NMNAT2: variants seen among roughly 807,000 people sequenced by gnomAD.
The protein encoded by NMNAT2 is nicotinamide/nicotinic acid mononucleotide adenylyltransferase 2.
NMNAT2 carries 11 observed loss-of-function variants against 41.6 expected under a neutral mutation model. The observed-to-expected ratio is 0.26, with a 90% CI of 0.17 to 0.44. NMNAT2 has a LOEUF of 0.44. NMNAT2 is among the 20% of genes least tolerant of loss of function. The pLI is 1.00. For synonymous variants in NMNAT2, 148 were observed against 151.2 expected, an observed-to-expected ratio of 0.98 and a Z score of 0.16; for missense variants, 288 against 407.7, an observed-to-expected ratio of 0.71 and a Z score of 2.53.
chr1:183,386,548 C>T (rs776733731), intron 1 of NMNAT2, among the ~76,000 whole-genome samples: 1 of 151,970 alleles, frequency 6.6e-6, no homozygotes. Flanking sequence ...GGAGAAATAA[C>T]CTCACAATAG....
At chr1:183,309,768 C>T (rs1174664606) in intron 1 of NMNAT2, among the ~76,000 whole-genome samples, 1 of 152,186 alleles carries the variant, frequency 6.6e-6, no homozygotes, top group Non-Finnish European at 1.5e-5. Context: ...CCAGGAATTA[C>T]GAAAACCTGT....
chr1:183,357,155 C>T (rs1055858061), intron 1 of NMNAT2, among the ~76,000 whole-genome samples: 1 of 149,534 alleles, frequency 6.7e-6, no homozygotes. Flanking sequence ...TAAAACAATA[C>T]ACAGGAGAAG....
intron 1 of NMNAT2, among the ~76,000 whole-genome samples, chr1:183,315,743 T>A (rs1048511434): frequency 2.1e-5 from 3 of 145,888 alleles, no homozygotes; most frequent in African/African-American, 7.7e-5. Context: ...GTCATGCCAC[T>A]GCACTCCAGC....
chr1:183,377,358 T>G (rs1663702891), intron 1 of NMNAT2, among the ~76,000 whole-genome samples: 1 of 151,888 alleles, frequency 6.6e-6, no homozygotes, highest in African/African-American at 2.4e-5. Context: ...AAAACATCAC[T>G]GGAATACAAC....
At position 183,352,162 on chromosome 1, in the gene NMNAT2, TA is replaced by T. The variant is rs566872477; in HGVS notation, c.86-58370del. ...GCTCATCAGGGGTTTCTCTTCAAGA[TA>T]AAAAAAGGCTTCAAAATCGTTCACC... On this transcript the variant is annotated intron_variant, in intron 1 of 10. Coordinates refer to ENST00000287713, the MANE Select transcript of NMNAT2 (RefSeq NM_015039.4). 4.0e-4 allele frequency among the ~76,000 whole-genome samples: 61 copies of T among 152,104 alleles called. 2 individuals are homozygous for T. In the East Asian group the frequency reaches 0.011, roughly 27 times the overall value.
chr1:183,264,885 T>C (rs1030867885), intron 8 of NMNAT2, among the ~76,000 whole-genome samples: 3 of 152,158 alleles, frequency 2.0e-5, no homozygotes, highest in African/African-American at 4.8e-5. Context: ...TACTCCTTTC[T>C]GGGCCCCCGT....
chr1:183,293,697 G>A lies in NMNAT2; in HGVS notation c.174+8C>T. ...TTGAAGAGGAGAGGGGCACAGGAAGGAACCCACCTGTTTTCCATAGGAGTC... is the reference window on the plus strand; with the variant it reads ...TTGAAGAGGAGAGGGGCACAGGAAGAAACCCACCTGTTTTCCATAGGAGTC... On this transcript the variant is annotated splice_region_variant and intron_variant, in intron 2 of 10. Coordinates refer to ENST00000287713, the MANE Select transcript of NMNAT2 (RefSeq NM_015039.4). The A allele has an allele frequency of 6.2e-7, 1 of 1,607,220 alleles. No homozygotes were observed. Among genetic ancestry groups the A allele is most frequent in the Non-Finnish European group, 8.5e-7 (1 of 1,173,648 alleles).
In NMNAT2 at chr1:183,265,129, C is replaced by T. The variant is rs191410406; in HGVS notation, c.652-3826G>A. 1.9e-3 allele frequency among the ~76,000 whole-genome samples: 292 copies of T among 150,670 alleles called. 2 individuals carry two copies. Among genetic ancestry groups the T allele is most frequent in the South Asian group, 0.015 (73 of 4,720 alleles). ...ATATGCCCACTTGGATAGGGCATCT[C>T]AAACTTAATATGTCCATGAGCTCCT... On this transcript the variant is annotated intron_variant, in intron 8 of 10. Coordinates refer to ENST00000287713, the MANE Select transcript of NMNAT2 (RefSeq NM_015039.4).
At chr1:183,274,088 C>G (rs1238434908) in intron 8 of NMNAT2, among the ~76,000 whole-genome samples, 1 of 151,298 alleles carries the variant, frequency 6.6e-6, no homozygotes, top group East Asian at 2.0e-4. Flanking sequence ...GATTTTTGTA[C>G]TTTTAGTAGA....
rs569797645 is a variant in NMNAT2, at chr1:183,277,605, C to A, written c.651+948G>T. Among the ~76,000 whole-genome samples, 8 of 152,050 alleles carry A rather than the reference C, an allele frequency of 5.3e-5. No individual in the cohort carries two copies. In the South Asian group the frequency reaches 1.7e-3, roughly 32 times the overall value. ...ATCTTGAGCCTGACCCTGTCCTGCC[C>A]CTGTCCTGCCTCTGTCCTGCCTCGA... is the stretch of plus-strand genomic sequence containing the variant. On this transcript the variant is annotated intron_variant, in intron 8 of 10. Transcript: ENST00000287713.
intron 1 of NMNAT2, among the ~76,000 whole-genome samples, chr1:183,308,401 A>T (rs941849315): frequency 2.6e-5 from 4 of 152,274 alleles, no homozygotes; most frequent in African/African-American, 9.6e-5. Context: ...GGCAGTCAGC[A>T]TCTATCAAAA....
At chr1:183,401,546 C>A (rs913402739) in intron 1 of NMNAT2, among the ~76,000 whole-genome samples, 1 of 152,126 alleles carries the variant, frequency 6.6e-6, no homozygotes, top group Non-Finnish European at 1.5e-5. Context: ...ACCATTTGAC[C>A]CAGCCATCCC....
intron 1 of NMNAT2, among the ~76,000 whole-genome samples, chr1:183,334,088 G>A (rs1433000921): frequency 1.3e-5 from 2 of 152,124 alleles, no homozygotes; most frequent in South Asian, 2.1e-4. Flanking sequence ...TTTTTGAGAC[G>A]GTGTCTTGCT....
chr1:183,335,311 C>G (rs1314463853), intron 1 of NMNAT2, among the ~76,000 whole-genome samples: 1 of 152,174 alleles, frequency 6.6e-6, no homozygotes, highest in Non-Finnish European at 1.5e-5. Context: ...CTACTCTATA[C>G]CTCTGCACAA....
intron 8 of NMNAT2, among the ~76,000 whole-genome samples, chr1:183,274,251 A>G (rs1661067595): frequency 6.6e-6 from 1 of 152,010 alleles, no homozygotes; most frequent in South Asian, 2.1e-4. Flanking sequence ...GATCTTTTAC[A>G]GGAGGAATTT....
intron 7 of NMNAT2, among the ~76,000 whole-genome samples, chr1:183,279,587 G>A (rs372984266): frequency 3.6e-4 from 55 of 152,282 alleles, no homozygotes; most frequent in African/African-American, 1.2e-3. Flanking sequence ...GAGAAGCTGC[G>A]GGCAGCCCTG....
intron 1 of NMNAT2, among the ~76,000 whole-genome samples, chr1:183,339,666 A>G (rs1305059040): frequency 1.3e-5 from 2 of 152,176 alleles, no homozygotes; most frequent in Non-Finnish European, 2.9e-5. Context: ...AACACTTACA[A>G]TGTGCTAGGC....
chr1:183,410,554 A>T (rs1649088087), intron 1 of NMNAT2, among the ~76,000 whole-genome samples: 1 of 151,980 alleles, frequency 6.6e-6, no homozygotes, highest in African/African-American at 2.4e-5. Context: ...ACTAAAAAAA[A>T]TGCTGGGTCA....
intron 1 of NMNAT2, among the ~76,000 whole-genome samples, chr1:183,384,667 A>G (rs970543186): frequency 6.6e-6 from 1 of 152,188 alleles, no homozygotes; most frequent in Admixed American, 6.5e-5. Flanking sequence ...GATCCAAACC[A>G]TATTACTCTG....
Sources: allele counts gnomAD v4.1 joint callset (sites outside exome capture counted in the v4.1 genomes callset), GRCh38; gene constraint gnomAD v4.1.1; transcripts MANE v1.5; gene names NCBI Gene and HGNC (gene_info 2026-07-23, HGNC 2026-07-21).